The following TCOF1 variants were observed in gnomAD, a reference collection of about 807,000 sequenced individuals.
TCOF1 encodes treacle protein.
TCOF1 carries 33 observed loss-of-function variants against 149.0 expected under a neutral mutation model. That is an observed-to-expected ratio of 0.22 (90% CI 0.17 to 0.30). The LOEUF (loss-of-function observed/expected upper bound fraction) is 0.30, where lower values mean the gene tolerates loss of function less well. Ranked by LOEUF, TCOF1 falls within the 10% of genes least tolerant of loss-of-function variation. The pLI is 1.00. For missense variants in TCOF1, 1,728 were observed against 1,840.7 expected, an observed-to-expected ratio of 0.94 and a Z score of 1.12; for synonymous variants, 789 against 738.8, an observed-to-expected ratio of 1.07 and a Z score of -1.10.
At chr5:150,359,239 C>T (rs767592814) in intron 1 of TCOF1, among the ~76,000 whole-genome samples, 14 of 150,232 alleles carry the variant, frequency 9.3e-5, no homozygotes, top group Non-Finnish European at 1.8e-4. Flanking sequence ...CCCAGTTACT[C>T]GGGAGGCTGA....
In TCOF1 at chr5:150,369,567, G is replaced by C; in HGVS notation, c.604G>C (p.Asp202His). The stretch of plus-strand genomic sequence containing the variant: ...GGGCCAGGCCGACAGCTCCAGCGAG[G>C]ACACCTCCAGCTCCAGTGATGAGAC... ...SAGQADSSSE[D>H]TSSSSDETDV... is the part of the protein sequence containing the mutation. The change falls in exon 6 of 27, where the codon GAC becomes CAC. Residue 202 changes from aspartate to histidine, a missense_variant. Coordinates refer to ENST00000643257, the MANE Select transcript of TCOF1 (RefSeq NM_001371623.1). 1 of 1,614,130 alleles carries C rather than the reference G, an allele frequency of 6.2e-7. No individual in the cohort carries two copies. Among genetic ancestry groups the C allele is most frequent in the Non-Finnish European group, 8.5e-7 (1 of 1,180,018 alleles).
chr5:150,371,415 G>T (rs1054859349), intron 6 of TCOF1, among the ~76,000 whole-genome samples: 1 of 152,204 alleles, frequency 6.6e-6, no homozygotes, highest in African/African-American at 2.4e-5. Flanking sequence ...CTGAGGCTGT[G>T]CAGAGCTCCA....
chr5:150,359,503 G>A (rs1273137176), intron 1 of TCOF1, among the ~76,000 whole-genome samples: 5 of 152,214 alleles, frequency 3.3e-5, no homozygotes, highest in Admixed American at 3.3e-4. Flanking sequence ...TTGAACTGGT[G>A]AGACAGTATC....
rs186878966 is a variant in TCOF1 at position 150,388,550 on chromosome 5, T to C, written c.3046+462T>C. Among the ~76,000 whole-genome samples the C allele has an allele frequency of 3.5e-3, 532 of 152,308 alleles. 37 individuals are homozygous for C. In the South Asian group the frequency reaches 0.11, roughly 30 times the overall value. ...GGTTTCTTTGACTTCTGAGAATCTG[T>C]GATTCTACCAATGACAACAGGAAAA... On this transcript the variant is annotated intron_variant, in intron 18 of 26. Transcript: ENST00000643257.
chr5:150,397,527 CTG>C (rs1768832110), intron 24 of TCOF1, among the ~76,000 whole-genome samples: 1 of 152,162 alleles, frequency 6.6e-6, no homozygotes, highest in Non-Finnish European at 1.5e-5. Context: ...AGGTAGAAAA[CTG>C]CGGCTCGGGC....
intron 7 of TCOF1, among the ~76,000 whole-genome samples, chr5:150,373,330 C>T (rs926218752): frequency 1.3e-5 from 2 of 152,170 alleles, no homozygotes; most frequent in African/African-American, 2.4e-5. Context: ...TATGAGCCAC[C>T]GCACCTGGCC....
intron 3 of TCOF1, among the ~76,000 whole-genome samples, chr5:150,367,281 G>T (rs1761571193): frequency 6.6e-6 from 1 of 152,164 alleles, no homozygotes; most frequent in South Asian, 2.1e-4. Flanking sequence ...CTCCAGCCTG[G>T]GCGACAGAGC....
chr5:150,358,543 A>G (rs1759214317), intron 1 of TCOF1, among the ~76,000 whole-genome samples: 1 of 152,166 alleles, frequency 6.6e-6, no homozygotes, highest in Non-Finnish European at 1.5e-5. Context: ...AGTGTTAAGA[A>G]TGAGAGGGAT....
intron 3 of TCOF1, among the ~76,000 whole-genome samples, chr5:150,365,518 C>G (rs181422634): frequency 3.9e-5 from 6 of 152,288 alleles, no homozygotes; most frequent in Non-Finnish European, 7.3e-5. Flanking sequence ...TGCATCTCCT[C>G]ATAGGTAACC....
At chr5:150,386,888 C>G (rs1766410483) in intron 17 of TCOF1, among the ~76,000 whole-genome samples, 1 of 152,212 alleles carries the variant, frequency 6.6e-6, no homozygotes. Context: ...CTGCAGAATA[C>G]CAGGGAGCTG....
At chr5:150,378,799 G>A in intron 14 of TCOF1, 106 bp from the exon 15 acceptor site, 1 of 1,542,338 alleles carries the variant, frequency 6.5e-7, no homozygotes, top group Admixed American at 1.7e-5. Flanking sequence ...ATTGCATGGA[G>A]GAGCCAGAAT....
At chr5:150,381,496 G>A (rs946955319) in intron 17 of TCOF1, among the ~76,000 whole-genome samples, 6 of 152,214 alleles carry the variant, frequency 3.9e-5, no homozygotes, top group African/African-American at 7.2e-5. Context: ...GCACAAAAGT[G>A]GAGAAGGCCC....
intron 2 of TCOF1, 49 bp downstream of exon 2, chr5:150,361,260 A>G: frequency 1.2e-6 from 2 of 1,603,254 alleles, no homozygotes; most frequent in Non-Finnish European, 1.7e-6. Context: ...ACCCCAAGCA[A>G]CTCAGCTTGG....
Position 150,357,732 on chromosome 5 carries a change from C to G in TCOF1, c.-15C>G, listed in dbSNP as rs199852392. 2 of 1,546,878 alleles carry G rather than the reference C, an allele frequency of 1.3e-6. No individual in the cohort carries two copies. The highest frequency in any genetic ancestry group is 4.9e-5 in the East Asian group (2 of 40,862). On this transcript the variant is annotated 5_prime_UTR_variant, in exon 1 of 27. Coordinates refer to ENST00000643257, the MANE Select transcript of TCOF1 (RefSeq NM_001371623.1). The stretch of plus-strand genomic sequence containing the variant: ...GCGGGGCGTGCAGGTAGCCGGCCGG[C>G]CGGGGGTCGCGGGTATGGCCGAGGC...
At chr5:150,396,260 A>G in intron 23 of TCOF1, 22 bp from the exon 24 acceptor site, 1 of 1,613,664 alleles carries the variant, frequency 6.2e-7, no homozygotes, top group South Asian at 1.1e-5. Context: ...CAGATCTGTG[A>G]CCCCACATTC....
At chr5:150,371,405 C>G (rs937519635) in intron 6 of TCOF1, among the ~76,000 whole-genome samples, 1 of 152,198 alleles carries the variant, frequency 6.6e-6, no homozygotes, top group Non-Finnish European at 1.5e-5. Context: ...CCTCAATGGG[C>G]TGAGGCTGTG....
At chr5:150,388,908 C>T (rs940986929) in intron 18 of TCOF1, among the ~76,000 whole-genome samples, 7 of 152,058 alleles carry the variant, frequency 4.6e-5, no homozygotes, top group African/African-American at 1.2e-4. Context: ...CCAGCCTGGG[C>T]GACAGTGAGA....
In TCOF1 at chr5:150,375,128, G is replaced by A; in HGVS notation, c.1453G>A (p.Asp485Asn). The change falls in exon 10 of 27, where the codon GAC becomes AAC. Residue 485 changes from aspartate to asparagine, a missense_variant. By Grantham distance (23) the Asp-to-Asn change is conservative (BLOSUM62 1). Around this residue, in one of 2 missense-constraint regions of TCOF1, gnomAD observed 1,696 missense variants for 1,765.4 expected, o/e 0.96. Coordinates refer to ENST00000643257, the MANE Select transcript of TCOF1 (RefSeq NM_001371623.1). The part of the protein sequence containing the change: ...SRSSSEESDS[D>N]REALAAMNAA... The stretch of plus-strand genomic sequence containing the variant: ...AAGCAGCAGCGAGGAGTCAGACAGT[G>A]ACAGAGAGGCACTGGCAGCCATGAA... 3 of 1,613,478 alleles carry A rather than the reference G, an allele frequency of 1.9e-6. No homozygotes were observed. The highest frequency in any genetic ancestry group is 2.5e-6 in the Non-Finnish European group (3 of 1,179,840).
intron 17 of TCOF1, chr5:150,382,990 C>T: frequency 8.0e-7 from 1 of 1,256,518 alleles, no homozygotes; most frequent in Middle Eastern, 1.9e-4. Flanking sequence ...GGGTCATTGC[C>T]TACTGGCTGT....
Sources: gnomAD v4.1 joint callset for allele counts (sites outside exome capture counted in the v4.1 genomes callset) on GRCh38, gnomAD v4.1.1 for gene constraint, gnomAD v4.1.1 regional missense constraint, MANE v1.5 for transcripts, NCBI Gene and HGNC (gene_info 2026-07-23, HGNC 2026-07-21) for gene names.